Variants in CARMIL2 observed in about 807,000 individuals in gnomAD.
CARMIL2 encodes capping protein, Arp2/3 and myosin-I linker protein 2.
In CARMIL2, 96 loss-of-function variants were observed where a neutral mutation model predicts 173.3. The observed-to-expected ratio is 0.55, with a 90% CI of 0.47 to 0.66. The LOEUF (loss-of-function observed/expected upper bound fraction) is 0.66, where lower values mean the gene tolerates loss of function less well. Among genes scored for constraint, CARMIL2 ranks in the 30% least tolerant of loss-of-function variants. The pLI, the probability that CARMIL2 is intolerant of heterozygous loss-of-function variation, is 0.00. For synonymous variants in CARMIL2, 830 were observed against 817.1 expected (o/e 1.02, Z -0.27); for missense variants, 1,771 against 1,906.7 (o/e 0.93, Z 1.33).
rs2052811411 is a variant in CARMIL2 at position 67,654,857 on chromosome 16, G to A, written c.3662G>A (p.Gly1221Asp). The A allele has an allele frequency of 6.2e-7, 1 of 1,613,732 alleles. No homozygotes were observed. The highest frequency in any genetic ancestry group is 8.5e-7 in the Non-Finnish European group (1 of 1,179,890). The part of the protein sequence containing the change: ...QRVQVMLQRI[G>D]VSRGSGGAEG... ...GTACAAGTAATGCTGCAGAGGATAG[G>A]CGTCAGCCGAGGCAGCGGGGGTGCC... Residue 1221 changes from glycine (G) to aspartate (D), a missense_variant, in exon 32 of 38, where the codon GGC becomes GAC. Coordinates refer to ENST00000334583, the MANE Select transcript of CARMIL2 (RefSeq NM_001013838.3).
Position 67,649,842 on chromosome 16 carries a change from G to A in CARMIL2, c.1956G>A (p.Leu652=). The change falls in exon 21 of 38, where the codon TTG becomes TTA. Residue 652 remains leucine, a synonymous_variant. Transcript: ENST00000334583. This position sits in a 1 kb window ranked among gnomAD's most constrained non-coding sequence, Gnocchi z 6.7. ...VVWDRNHTSA[L]GLLDVAQALE... is the part of the protein sequence containing the mutation. ...GGGACCGGAACCACACATCTGCTTT[G>A]GGTCTGCTGGACGTGGCGCAGGCGC... The A allele has an allele frequency of 6.2e-7, 1 of 1,612,796 alleles. No individual in the cohort carries two copies. The highest frequency in any genetic ancestry group is 8.5e-7 in the Non-Finnish European group (1 of 1,179,738).
In CARMIL2 at chr16:67,648,565, T is replaced by G; in HGVS notation, c.1439+63T>G. Reference sequence around the variant, plus strand: ...CCCACCCTGCCCTGGCCTTCGCCCCTCCCCGCTCCTGCTTCTGTCGCTCCC... The same window carrying G: ...CCCACCCTGCCCTGGCCTTCGCCCCGCCCCGCTCCTGCTTCTGTCGCTCCC... On this transcript the variant is annotated intron_variant, in intron 15 of 37. Transcript: ENST00000334583. The surrounding 1 kb of genome is among the most constrained non-coding windows in gnomAD (Gnocchi z 6.1). 1 of 1,238,690 alleles carries G rather than the reference T, an allele frequency of 8.1e-7. No homozygotes were observed. Among genetic ancestry groups the G allele is most frequent in the Non-Finnish European group, 1.1e-6 (1 of 912,886 alleles). 76.7% of individuals were successfully genotyped at this position (1,238,690 alleles called of 1,614,324 possible). A position where few individuals can be genotyped will look rare whatever the true frequency, so the allele number is the denominator to read the frequency against.
In CARMIL2 at chr16:67,649,090, A is replaced by G. The variant is rs750136071; in HGVS notation, c.1606A>G (p.Met536Val). ...DLADNGFGSD[M>V]VTLVLAIGRS... Reference sequence around the variant, plus strand: ...GTCACCCCCAGGCTTCGGCTCAGACATGGTGACTCTGGTGCTGGCCATCGG... The same window carrying G: ...GTCACCCCCAGGCTTCGGCTCAGACGTGGTGACTCTGGTGCTGGCCATCGG... Residue 536 changes from methionine to valine, a missense_variant, in exon 18 of 38, where the codon ATG (methionine) becomes GTG (valine). Around this residue, in one of 3 missense-constraint regions of CARMIL2, gnomAD observed 944 missense variants for 975.6 expected, o/e 0.97. Transcript: ENST00000334583. This position sits in a 1 kb window ranked among gnomAD's most constrained non-coding sequence, Gnocchi z 6.7. 2.5e-6 allele frequency: 4 copies of G among 1,612,882 alleles called. No individual in the cohort carries two copies. In the African/African-American group the frequency reaches 4.0e-5, roughly 16 times the overall value.
chr16:67,654,482 T>C lies in CARMIL2; in HGVS notation c.3372T>C (p.Ala1124=), dbSNP rs2052796091. ...ATCTAGAGACCAGCCCTGGGGCAGCTCCCCGAACCCGAAAAACTACATTTG... is the reference window on the plus strand; with the variant it reads ...ATCTAGAGACCAGCCCTGGGGCAGCCCCCCGAACCCGAAAAACTACATTTG... ...RTDLETSPGA[A]PRTRKTTFGD... The change falls in exon 31 of 38, where the codon GCT becomes GCC. Residue 1124 remains alanine, a synonymous_variant. Coordinates refer to ENST00000334583, the MANE Select transcript of CARMIL2 (RefSeq NM_001013838.3). The C allele has an allele frequency of 1.2e-6, 2 of 1,612,720 alleles. No individual in the cohort carries two copies. The highest frequency in any genetic ancestry group is 1.7e-6 in the Non-Finnish European group (2 of 1,179,658).
In CARMIL2 at chr16:67,645,528, G is replaced by T; in HGVS notation, c.41-12G>T. 2 of 1,586,656 alleles carry T rather than the reference G, an allele frequency of 1.3e-6. No homozygotes were observed. Among genetic ancestry groups the T allele is most frequent in the Non-Finnish European group, 1.7e-6 (2 of 1,166,718 alleles). Reference sequence around the variant, plus strand: ...AAGGACTGAAGTCACCCAGCAGGCTGCCCTTCCACAGGCGAGATCACCAGG... The same window carrying T: ...AAGGACTGAAGTCACCCAGCAGGCTTCCCTTCCACAGGCGAGATCACCAGG... On this transcript the variant is annotated splice_polypyrimidine_tract_variant and intron_variant, in intron 1 of 37. Coordinates refer to ENST00000334583, the MANE Select transcript of CARMIL2 (RefSeq NM_001013838.3).
rs562987498 is a variant in CARMIL2, at chr16:67,652,366, G to T, written c.2817+27G>T. The T allele has an allele frequency of 3.1e-6, 5 of 1,612,654 alleles. No individual in the cohort carries two copies. The East Asian group carries it at 1.1e-4, about 36-fold the overall frequency. ...TAAGTGGTTTTAGAACACGGGGCAT[G>T]GCACTCCCAGTCTTCCCATCTTGCT... On this transcript the variant is annotated intron_variant, in intron 27 of 37. Coordinates refer to ENST00000334583, the MANE Select transcript of CARMIL2 (RefSeq NM_001013838.3). The surrounding 1 kb of genome is among the most constrained non-coding windows in gnomAD (Gnocchi z 4.7).
chr16:67,650,703 C>T (rs746492698), intron 22 of CARMIL2: 6 of 174,454 alleles, frequency 3.4e-5, no homozygotes, highest in Non-Finnish European at 7.4e-5. Context: ...CCACTGGTGC[C>T]CACAGCCACC....
chr16:67,650,457 C>T (rs998653853), intron 22 of CARMIL2: 4 of 439,968 alleles, frequency 9.1e-6, no homozygotes, highest in African/African-American at 7.9e-5. Flanking sequence ...TACGTGACTC[C>T]CCTCCCCTCT....
Position 67,654,803 on chromosome 16 carries a change from CAG to C in CARMIL2, c.3610_3611del (p.Glu1204ThrfsTer6). 1 of 1,613,530 alleles carries C rather than the reference CAG, an allele frequency of 6.2e-7. No homozygotes were observed. The highest frequency in any genetic ancestry group is 8.5e-7 in the Non-Finnish European group (1 of 1,179,886). ...CGGCGGCCCCTGGAGCGGGGAGAAA[CAG>C]AACTGGCTCCATCCTTTGAACAGCG... On this transcript the variant is annotated frameshift_variant, in exon 32 of 38. Coordinates refer to ENST00000334583, the MANE Select transcript of CARMIL2 (RefSeq NM_001013838.3). LOFTEE classifies it high-confidence loss of function.
In CARMIL2 at chr16:67,649,507, C is replaced by T. The variant is rs1472875332; in HGVS notation, c.1807C>T (p.Arg603Trp). The T allele has an allele frequency of 1.9e-6, 3 of 1,609,052 alleles. No individual in the cohort carries two copies. Among genetic ancestry groups the T allele is most frequent in the Non-Finnish European group, 1.7e-6 (2 of 1,179,876 alleles). ...RLKLGASVLL[R>W]ALATNPNLTA... ...GAAGCTGGGTGCCAGCGTCCTACTC[C>T]GGGCCCTAGCCACCAATCCTAACCT... The change falls in exon 20 of 38, where the codon CGG becomes TGG. Residue 603 changes from arginine to tryptophan, a missense_variant. Coordinates refer to ENST00000334583, the MANE Select transcript of CARMIL2 (RefSeq NM_001013838.3). The surrounding 1 kb of genome is among the most constrained non-coding windows in gnomAD (Gnocchi z 6.7).
chr16:67,654,734 C>T lies in CARMIL2; in HGVS notation c.3582+42C>T, dbSNP rs140011838. The stretch of plus-strand genomic sequence containing the variant: ...GGGGGTGGTGAAGGCGCTTCTGGGA[C>T]CCAGGGCGCGGACTGTCTCCAACTC... On this transcript the variant is annotated intron_variant, in intron 31 of 37. Coordinates refer to ENST00000334583, the MANE Select transcript of CARMIL2 (RefSeq NM_001013838.3). The T allele has an allele frequency of 7.0e-5, 113 of 1,607,468 alleles. No individual in the cohort carries two copies. In the African/African-American group the frequency reaches 1.2e-3, roughly 17 times the overall value.
chr16:67,654,026 C>T (rs1171795669), intron 29 of CARMIL2, 123 bp from the exon 30 acceptor site: 2 of 662,148 alleles, frequency 3.0e-6, no homozygotes, highest in Admixed American at 2.6e-5. Context: ...TATCAGCAGC[C>T]CCTAGGGTCA....
chr16:67,650,995 A>C, intron 22 of CARMIL2, 192 bp from the exon 23 acceptor site: 1 of 600,280 alleles, frequency 1.7e-6, no homozygotes, highest in Non-Finnish European at 2.9e-6. Flanking sequence ...TAGGAAGTGT[A>C]TATAAAGTCC....
At position 67,652,867 on chromosome 16, in the gene CARMIL2, C is replaced by G. The variant is rs1257255261; in HGVS notation, c.2885-152C>G. 5.0e-6 allele frequency: 1 copy of G among 200,506 alleles called. No individual in the cohort carries two copies. The highest frequency in any genetic ancestry group is 9.5e-6 in the Non-Finnish European group (1 of 105,162). The allele number at this position is 200,506 out of a possible 1,614,324, so 12.4% of individuals were successfully genotyped here. On this transcript the variant is annotated intron_variant, in intron 28 of 37. Coordinates refer to ENST00000334583, the MANE Select transcript of CARMIL2 (RefSeq NM_001013838.3). This position sits in a 1 kb window ranked among gnomAD's most constrained non-coding sequence, Gnocchi z 4.7. ...TCAGCACCACGGACAGCGGCGGCGG[C>G]GGGGGAGGGGCGGAGGGGCAGAGGG...
chr16:67,646,087 C>A lies in CARMIL2; in HGVS notation c.249+7C>A. 1 of 1,613,802 alleles carries A rather than the reference C, an allele frequency of 6.2e-7. No homozygotes were observed. Among genetic ancestry groups the A allele is most frequent in the Non-Finnish European group, 8.5e-7 (1 of 1,179,876 alleles). ...GCAGGAGACACCCCCTCAGGTGAGA[C>A]ACCTAGTACCCTACCTGGGCCTGCA... is the stretch of plus-strand genomic sequence containing the variant. On this transcript the variant is annotated splice_region_variant and intron_variant, in intron 4 of 37. Coordinates refer to ENST00000334583, the MANE Select transcript of CARMIL2 (RefSeq NM_001013838.3). This position sits in a 1 kb window ranked among gnomAD's most constrained non-coding sequence, Gnocchi z 4.6.
In CARMIL2 at chr16:67,647,285, C is replaced by T. The variant is rs902623828; in HGVS notation, c.688-14C>T. 7 of 1,608,804 alleles carry T rather than the reference C, an allele frequency of 4.4e-6. No individual in the cohort carries two copies. Among genetic ancestry groups the T allele is most frequent in the Non-Finnish European group, 5.9e-6 (7 of 1,177,482 alleles). On this transcript the variant is annotated splice_polypyrimidine_tract_variant and intron_variant, in intron 9 of 37. Coordinates refer to ENST00000334583, the MANE Select transcript of CARMIL2 (RefSeq NM_001013838.3). ...CAGGGTGCAGCCCGTGAGCCGCCGC[C>T]CTCTGCTTCTCAGAGCCTTGAGGTC...
chr16:67,656,937 T>C (rs1173949536), intron 36 of CARMIL2, 56 bp downstream of exon 36: 9 of 1,365,602 alleles, frequency 6.6e-6, no homozygotes, highest in African/African-American at 4.4e-5. Flanking sequence ...GAGGGTGGGC[T>C]TCTGGGGCTC....
At position 67,657,035 on chromosome 16, in the gene CARMIL2, A is replaced by G; in HGVS notation, c.4117+154A>G. The G allele has an allele frequency of 1.3e-6, 1 of 765,842 alleles. No homozygotes were observed. The allele number at this position is 765,842 out of a possible 1,614,324, so 47.4% of individuals were successfully genotyped here. ...CCAGAAGACCAGGTGCAAGGGTTTG[A>G]CAGCAAGCCCTTCCAACTAGCACTG... On this transcript the variant is annotated intron_variant, in intron 36 of 37. Coordinates refer to ENST00000334583, the MANE Select transcript of CARMIL2 (RefSeq NM_001013838.3). This position sits in a 1 kb window ranked among gnomAD's most constrained non-coding sequence, Gnocchi z 4.5.
Position 67,650,164 on chromosome 16 carries a change from C to A in CARMIL2, c.2184+14C>A, listed in dbSNP as rs762808130. ...CCCTCAGAGCAGGTCAATGTCCCCT[C>A]CCCAACCACGAGAGGTAGGGCATGA... On this transcript the variant is annotated intron_variant, in intron 22 of 37. Transcript: ENST00000334583. 6.2e-7 allele frequency: 1 copy of A among 1,600,472 alleles called. No homozygotes were observed. The highest frequency in any genetic ancestry group is 1.1e-5 in the South Asian group (1 of 89,508).
Sources: gnomAD v4.1 joint callset for allele counts on GRCh38, gnomAD v4.1.1 for gene constraint, gnomAD v4.1.1 regional missense constraint, Gnocchi (gnomAD v3.1) non-coding constraint, MANE v1.5 for transcripts, NCBI Gene and HGNC (gene_info 2026-07-23, HGNC 2026-07-21) for gene names.